The following CEP128 variants were observed in gnomAD, a reference collection of about 807,000 sequenced individuals.
CEP128 encodes centrosomal protein 128, also known as centrosomal protein 128kDa.
A neutral mutation model predicts 156.7 loss-of-function variants in CEP128; 132 were observed. That is an observed-to-expected ratio of 0.84 (90% CI 0.73 to 0.97). CEP128 has a LOEUF of 0.97. CEP128 is among the 50% of genes least tolerant of loss of function. The pLI is 0.00. For missense variants in CEP128, 1,252 were observed against 1,281.9 expected (o/e 0.98, Z 0.36); for synonymous variants, 469 against 448.9 (o/e 1.04, Z -0.57).
At chr14:80,549,229 A>C (rs192806895) in intron 21 of CEP128, among the ~76,000 whole-genome samples, 37 of 152,348 alleles carry the variant, frequency 2.4e-4, no homozygotes, top group Non-Finnish European at 3.7e-4. Context: ...CAGAAGGTAG[A>C]CTAACATTAG....
At chr14:80,523,433 TTG>T (rs1169231567) in intron 23 of CEP128, among the ~76,000 whole-genome samples, 1 of 152,214 alleles carries the variant, frequency 6.6e-6, no homozygotes, top group African/African-American at 2.4e-5. Flanking sequence ...CTTTTCATTT[TTG>T]TACCACAGTA....
At chr14:80,678,049 A>AAAATATATATATATATATATATAT in intron 19 of CEP128, among the ~76,000 whole-genome samples, 2 of 98,502 alleles carry the variant, frequency 2.0e-5, no homozygotes, top group African/African-American at 6.3e-5. Context: ...ATAAAAAAAA[A>AAAATATATATATATATATATATAT]ATATATATAT....
intron 16 of CEP128, among the ~76,000 whole-genome samples, chr14:80,776,927 A>G (rs1900824263): frequency 6.6e-6 from 1 of 152,158 alleles, no homozygotes. Context: ...AAAAATATTT[A>G]TTATTCTATC....
At chr14:80,604,603 C>T (rs1892707270) in intron 19 of CEP128, among the ~76,000 whole-genome samples, 1 of 152,112 alleles carries the variant, frequency 6.6e-6, no homozygotes, top group African/African-American at 2.4e-5. Context: ...AAAACGTATC[C>T]TCGGTTAGCT....
At chr14:80,723,047 T>C (rs1034423446) in intron 19 of CEP128, among the ~76,000 whole-genome samples, 8 of 152,038 alleles carry the variant, frequency 5.3e-5, no homozygotes, top group Middle Eastern at 6.8e-3. Context: ...AGGATGGTCT[T>C]AATCTCCTGA....
intron 13 of CEP128, among the ~76,000 whole-genome samples, chr14:80,800,895 T>C (rs1193980840): frequency 6.6e-6 from 1 of 152,206 alleles, no homozygotes; most frequent in Admixed American, 6.5e-5. Flanking sequence ...CAAGAGAAAC[T>C]ACTCTGTTCA....
intron 19 of CEP128, among the ~76,000 whole-genome samples, chr14:80,720,588 G>C (rs189722843): frequency 7.6e-4 from 116 of 152,266 alleles, no homozygotes; most frequent in Non-Finnish European, 1.1e-3. Flanking sequence ...GATTGTCCGA[G>C]AAATTATGTA....
intron 2 of CEP128, among the ~76,000 whole-genome samples, chr14:80,930,804 G>A (rs1594860315): frequency 2.0e-5 from 3 of 152,196 alleles, no homozygotes; most frequent in Non-Finnish European, 4.4e-5. Context: ...TCTGTACTGC[G>A]AGCATCATTC....
At chr14:80,665,688 A>AT (rs1351251674) in intron 19 of CEP128, among the ~76,000 whole-genome samples, 4 of 152,168 alleles carry the variant, frequency 2.6e-5, no homozygotes, top group Non-Finnish European at 5.9e-5. Flanking sequence ...TCGGGGAGAA[A>AT]TTTATAGAGA....
chr14:80,698,824 T>C (rs960016121), intron 19 of CEP128, among the ~76,000 whole-genome samples: 5 of 152,160 alleles, frequency 3.3e-5, no homozygotes, highest in African/African-American at 1.2e-4. Flanking sequence ...AGTTAAGCAT[T>C]ATACAATTTT....
At chr14:80,668,694 C>G (rs1460859491) in intron 19 of CEP128, among the ~76,000 whole-genome samples, 2 of 151,918 alleles carry the variant, frequency 1.3e-5, no homozygotes, top group Non-Finnish European at 2.9e-5. Context: ...TTCTCAGATC[C>G]CAAGCTGGCC....
At position 80,801,401 on chromosome 14, in the gene CEP128, G is replaced by A. The variant is rs113764800; in HGVS notation, c.1210-8291C>T. On this transcript the variant is annotated intron_variant, in intron 13 of 24. Coordinates refer to ENST00000555265, the MANE Select transcript of CEP128 (RefSeq NM_152446.5). ...TCATAAATATCCCTTACTAGTTTTTGACATACGTCCCATCAATACCTAGTT... is the reference window on the plus strand; with the variant it reads ...TCATAAATATCCCTTACTAGTTTTTAACATACGTCCCATCAATACCTAGTT... Among the ~76,000 whole-genome samples, 1,243 of 151,774 alleles carry A rather than the reference G, an allele frequency of 8.2e-3. 17 individuals carry two copies. Among genetic ancestry groups the A allele is most frequent in the African/African-American group, 0.027 (1,133 of 41,378 alleles).
At position 80,558,390 on chromosome 14, in the gene CEP128, G is replaced by A. The variant is rs538697805; in HGVS notation, c.2880+889C>T. On this transcript the variant is annotated intron_variant, in intron 21 of 24. Coordinates refer to ENST00000555265, the MANE Select transcript of CEP128 (RefSeq NM_152446.5). ...GGCAACCTCTGCCTCCCAGGTTCAA[G>A]CAATTCTCCTGCTTCAGCCTCCCGA... Among the ~76,000 whole-genome samples the A allele has an allele frequency of 1.6e-3, 247 of 152,124 alleles. 1 individual carries two copies. The highest frequency in any genetic ancestry group is 5.7e-3 in the African/African-American group (237 of 41,502).
chr14:80,876,414 G>A (rs1407119279), intron 8 of CEP128, among the ~76,000 whole-genome samples: 1 of 152,040 alleles, frequency 6.6e-6, no homozygotes, highest in Non-Finnish European at 1.5e-5. Flanking sequence ...TGGCTAACAT[G>A]ATGAAACCCC....
intron 4 of CEP128, among the ~76,000 whole-genome samples, chr14:80,911,518 CAAAT>C (rs1555362438): frequency 1.3e-5 from 2 of 152,060 alleles, no homozygotes; most frequent in Non-Finnish European, 2.9e-5. Context: ...AATAAGTAAA[CAAAT>C]AAAATTTTAA....
intron 2 of CEP128, among the ~76,000 whole-genome samples, chr14:80,928,864 A>G (rs549321408): frequency 6.6e-6 from 1 of 152,282 alleles, no homozygotes; most frequent in African/African-American, 2.4e-5. Context: ...AAATGCAACA[A>G]AAACAAAAAT....
At chr14:80,832,954 C>T (rs890093010) in intron 12 of CEP128, among the ~76,000 whole-genome samples, 1 of 152,106 alleles carries the variant, frequency 6.6e-6, no homozygotes, top group Non-Finnish European at 1.5e-5. Context: ...GTCATAACTA[C>T]TCAATTCAAC....
At chr14:80,751,882 C>A (rs1462198770) in intron 18 of CEP128, among the ~76,000 whole-genome samples, 1 of 152,088 alleles carries the variant, frequency 6.6e-6, no homozygotes, top group Non-Finnish European at 1.5e-5. Flanking sequence ...CTATCCACCT[C>A]GGCCTCTCAA....
intron 24 of CEP128, among the ~76,000 whole-genome samples, chr14:80,499,447 A>G (rs1399820121): frequency 6.6e-6 from 1 of 152,244 alleles, no homozygotes; most frequent in Non-Finnish European, 1.5e-5. Context: ...TGCTTTTCTA[A>G]GAATATCAAA....
Sources: allele counts gnomAD v4.1 joint callset (sites outside exome capture counted in the v4.1 genomes callset), GRCh38; gene constraint gnomAD v4.1.1; transcripts MANE v1.5; gene names NCBI Gene and HGNC (gene_info 2026-07-23, HGNC 2026-07-21).